Variants in MCTP2 observed in about 807,000 individuals in gnomAD.
The protein encoded by MCTP2 is multiple C2 and transmembrane domain-containing protein 2.
In MCTP2, 132 loss-of-function variants were observed where a neutral mutation model predicts 111.6. That is an observed-to-expected ratio of 1.18 (90% CI 1.03 to 1.37). The LOEUF is 1.37. MCTP2 is among the 40% of genes most tolerant of loss of function. MCTP2 has a pLI of 0.00. For synonymous variants in MCTP2, 395 were observed against 387.7 expected (o/e 1.02, Z -0.22); for missense variants, 1,183 against 1,067.9 (o/e 1.11, Z -1.50).
chr15:94,258,818 C>T (rs2073009277), intron 1 of MCTP2, among the ~76,000 whole-genome samples: 1 of 152,004 alleles, frequency 6.6e-6, no homozygotes, highest in African/African-American at 2.4e-5. Context: ...ATTTGTTTTC[C>T]AACAGGTTAA....
chr15:94,479,008 C>T lies in MCTP2; in HGVS notation c.2611C>T (p.Leu871=). ...ELKLCSSHSP[L]RKKRSAL The stretch of plus-strand genomic sequence containing the variant: ...GAAACTCTGCAGCAGCCACAGCCCC[C>T]TGCGGAAGAAGCGCAGCGCTCTCTA... The change falls in exon 23 of 23, where the codon CTG becomes TTG. Residue 871 remains leucine, a synonymous_variant. Transcript: ENST00000357742. 6 of 1,614,122 alleles carry T rather than the reference C, an allele frequency of 3.7e-6. No homozygotes were observed. The highest frequency in any genetic ancestry group is 1.3e-5 in the African/African-American group (1 of 75,064).
At chr15:94,474,534 G>A (rs1004265129) in intron 21 of MCTP2, among the ~76,000 whole-genome samples, 9 of 152,216 alleles carry the variant, frequency 5.9e-5, no homozygotes, top group East Asian at 3.9e-4. Context: ...GTATTCCTAC[G>A]TCACAACCTT....
chr15:94,254,988 G>A (rs887299233), intron 1 of MCTP2, among the ~76,000 whole-genome samples: 1 of 152,188 alleles, frequency 6.6e-6, no homozygotes, highest in East Asian at 1.9e-4. Flanking sequence ...CATGGGAAAG[G>A]TCAATGAATG....
intron 12 of MCTP2, among the ~76,000 whole-genome samples, chr15:94,375,716 G>T (rs2079734310): frequency 6.6e-6 from 1 of 152,058 alleles, no homozygotes; most frequent in Non-Finnish European, 1.5e-5. Flanking sequence ...TCCCAAATTA[G>T]CATAATCTCA....
chr15:94,340,723 A>C (rs953567365), intron 6 of MCTP2, 90 bp from the exon 7 acceptor site: 4 of 706,848 alleles, frequency 5.7e-6, no homozygotes, highest in Non-Finnish European at 9.5e-6. Flanking sequence ...ATTCAGAGGT[A>C]GGAGACTTTT....
chr15:94,259,984 C>A (rs973410802), intron 1 of MCTP2, among the ~76,000 whole-genome samples: 1 of 152,180 alleles, frequency 6.6e-6, no homozygotes, highest in Non-Finnish European at 1.5e-5. Flanking sequence ...GGGTAAGGAA[C>A]CTTCTGATCT....
At chr15:94,280,718 T>G (rs1455402098) in intron 1 of MCTP2, among the ~76,000 whole-genome samples, 1 of 152,178 alleles carries the variant, frequency 6.6e-6, no homozygotes, top group Non-Finnish European at 1.5e-5. Context: ...AACTTCTTGA[T>G]GTAGGCATTT....
At chr15:94,390,112 A>ATATATATATATACG (rs1567603499) in intron 14 of MCTP2, among the ~76,000 whole-genome samples, 1 of 31,604 alleles carries the variant, frequency 3.2e-5, no homozygotes, top group African/African-American at 8.2e-5. Context: ...ATATATATAT[A>ATATATATATATACG]TGTATATATA....
In MCTP2 at chr15:94,264,081, C is replaced by G. The variant is rs145191515; in HGVS notation, c.-66+32417C>G. ...GATGTCCCTCACTTCTTCTTGGTCACAGTCCCTACTTCCACTTGAACAAGT... is the reference window on the plus strand; with the variant it reads ...GATGTCCCTCACTTCTTCTTGGTCAGAGTCCCTACTTCCACTTGAACAAGT... On this transcript the variant is annotated intron_variant, in intron 1 of 22. Coordinates refer to ENST00000357742, the MANE Select transcript of MCTP2 (RefSeq NM_001385001.1). Among the ~76,000 whole-genome samples, 330 of 152,256 alleles carry G rather than the reference C, an allele frequency of 2.2e-3. 1 individual carries two copies. Among genetic ancestry groups the G allele is most frequent in the African/African-American group, 7.9e-3 (328 of 41,552 alleles).
intron 21 of MCTP2, among the ~76,000 whole-genome samples, chr15:94,472,648 AC>A (rs1409967881): frequency 2.0e-5 from 3 of 152,186 alleles, no homozygotes; most frequent in Non-Finnish European, 4.4e-5. Context: ...TTTGTACTTT[AC>A]GTCTGGTTCT....
At chr15:94,284,504 A>G (rs1408012657) in intron 1 of MCTP2, among the ~76,000 whole-genome samples, 3 of 152,218 alleles carry the variant, frequency 2.0e-5, no homozygotes, top group Admixed American at 6.5e-5. Flanking sequence ...AATGGCTTTA[A>G]TGAAGCTACA....
chr15:94,232,778 G>T (rs893388794), intron 1 of MCTP2, among the ~76,000 whole-genome samples: 1 of 152,162 alleles, frequency 6.6e-6, no homozygotes, highest in Non-Finnish European at 1.5e-5. Flanking sequence ...AATGCAGGGA[G>T]AATGTAAATC....
intron 4 of MCTP2, among the ~76,000 whole-genome samples, chr15:94,325,443 T>C (rs921189267): frequency 1.3e-5 from 2 of 152,242 alleles, no homozygotes; most frequent in African/African-American, 2.4e-5. Flanking sequence ...CCCATCCTTT[T>C]TATCGTGGGC....
chr15:94,314,341 A>G lies in MCTP2; in HGVS notation c.525A>G (p.Gln175=), dbSNP rs1458193751. The change falls in exon 3 of 23, where the codon CAA becomes CAG. Residue 175 remains glutamine (Q), a synonymous_variant. Transcript: ENST00000357742. ...TGACATCTCAACATTTTGAAGAACA[A>G]TCTGTGAGTGGCATTCCTTAAAAAG... is the stretch of plus-strand genomic sequence containing the variant. ...ASMTSQHFEE[Q]SVPGEASDGL... 3 of 1,597,050 alleles carry G rather than the reference A, an allele frequency of 1.9e-6. No homozygotes were observed. Among genetic ancestry groups the G allele is most frequent in the Non-Finnish European group, 2.6e-6 (3 of 1,167,464 alleles).
In MCTP2 at chr15:94,464,253, TA is replaced by T. The variant is rs1198504941; in HGVS notation, c.2360+6008del. On this transcript the variant is annotated intron_variant, in intron 20 of 22. Transcript: ENST00000357742. ...TTTATATATATAATATATATATATA[TA>T]TATTATATATATATATATATATATA... Among the ~76,000 whole-genome samples, 39 of 46,362 alleles carry T rather than the reference TA, an allele frequency of 8.4e-4. 1 individual carries two copies. The highest frequency in any genetic ancestry group is 3.1e-3 in the African/African-American group (38 of 12,086). The allele number at this position is 46,362 out of a possible 152,430, so 30.4% of individuals were successfully genotyped here.
intron 4 of MCTP2, among the ~76,000 whole-genome samples, chr15:94,319,935 A>G (rs1172377016): frequency 6.6e-6 from 1 of 152,160 alleles, no homozygotes; most frequent in Non-Finnish European, 1.5e-5. Context: ...TTATTGTTGC[A>G]ATAGGAAGTA....
At chr15:94,466,854 G>A (rs76313212) in intron 20 of MCTP2, among the ~76,000 whole-genome samples, 6,391 of 151,586 alleles carry the variant, frequency 0.042, 429 homozygotes, top group African/African-American at 0.14. Flanking sequence ...CTTTCTCTTC[G>A]GTGTGGAATG....
chr15:94,301,683 T>A (rs539859840), intron 2 of MCTP2, among the ~76,000 whole-genome samples: 19 of 152,374 alleles, frequency 1.2e-4, no homozygotes, highest in African/African-American at 3.8e-4. Context: ...GTGAGTTTTC[T>A]TTAGTTTATG....
Position 94,314,363 on chromosome 15 carries a change from A to C in MCTP2, c.528+19A>C. 6.4e-7 allele frequency: 1 copy of C among 1,561,986 alleles called. No individual in the cohort carries two copies. The highest frequency in any genetic ancestry group is 2.2e-5 in the East Asian group (1 of 44,514). On this transcript the variant is annotated intron_variant, in intron 3 of 22. Transcript: ENST00000357742. ...ACAATCTGTGAGTGGCATTCCTTAA[A>C]AAGAAACATTAAATGTTGTAGATAT... is the stretch of plus-strand genomic sequence containing the variant.
Sources: allele counts gnomAD v4.1 joint callset (sites outside exome capture counted in the v4.1 genomes callset), GRCh38; gene constraint gnomAD v4.1.1; transcripts MANE v1.5; gene names NCBI Gene and HGNC (gene_info 2026-07-23, HGNC 2026-07-21).